SPATA31F3: variants seen among roughly 807,000 people sequenced by gnomAD.
SPATA31F3 encodes protein SPATA31F3.
the SPATA31F3 span, among the ~76,000 whole-genome samples, chr9:34,895,396 G>A: frequency 0.015 from 2,268 of 152,322 alleles, 57 homozygotes; most frequent in African/African-American, 0.052. Flanking sequence ...AGTCAAAGGA[G>A]TTCAGCCATC....
At chr9:34,892,809 C>G in the SPATA31F3 span, 1 of 666,240 alleles carries the variant, frequency 1.5e-6, no homozygotes, top group East Asian at 2.7e-5. Flanking sequence ...AAGTGATCAG[C>G]CCAGGAATCT....
At chr9:34,895,624 C>CT in the SPATA31F3 span, 2 of 399,768 alleles carry the variant, frequency 5.0e-6, no homozygotes, top group Non-Finnish European at 8.8e-6. Flanking sequence ...TTTGGCAGCT[C>CT]TTTTTCACTT....
At chr9:34,894,511 C>T in the SPATA31F3 span, 3 of 398,558 alleles carry the variant, frequency 7.5e-6, no homozygotes, top group South Asian at 3.8e-4. Flanking sequence ...GCTGAAGAAA[C>T]AGAAGATAGT....
At chr9:34,893,711 C>T in the SPATA31F3 span, among the ~76,000 whole-genome samples, 1 of 152,114 alleles carries the variant, frequency 6.6e-6, no homozygotes, top group Non-Finnish European at 1.5e-5. Context: ...CATGGGAGGG[C>T]GTGGCCCTCA....
chr9:34,891,976 T>G, the SPATA31F3 span, among the ~76,000 whole-genome samples: 4 of 151,688 alleles, frequency 2.6e-5, no homozygotes, highest in East Asian at 7.7e-4. Flanking sequence ...GGAGGGGAGA[T>G]TTTAATTAGT....
chr9:34,893,463 T>C, the SPATA31F3 span, among the ~76,000 whole-genome samples: 6 of 142,974 alleles, frequency 4.2e-5, no homozygotes, highest in African/African-American at 1.5e-4. Context: ...TAGCCAGGCA[T>C]GGTGGCGTAT....
chr9:34,893,654 G>A, the SPATA31F3 span, among the ~76,000 whole-genome samples: 1 of 152,086 alleles, frequency 6.6e-6, no homozygotes, highest in Non-Finnish European at 1.5e-5. Context: ...TGGCAAGGTG[G>A]GCTGGGCTGA....
chr9:34,893,027 G>A, the SPATA31F3 span: 1 of 936,440 alleles, frequency 1.1e-6, no homozygotes, highest in Non-Finnish European at 1.7e-6. Flanking sequence ...TGAAGTCAGG[G>A]AGATCTGGTT....
chr9:34,889,901 A>G, the SPATA31F3 span, among the ~76,000 whole-genome samples: 2,833 of 152,282 alleles, frequency 0.019, 104 homozygotes, highest in African/African-American at 0.065. Context: ...ATTCTCAGAA[A>G]TCCTTGTTTG....
At chr9:34,891,080 G>C in the SPATA31F3 span, among the ~76,000 whole-genome samples, 4 of 152,158 alleles carry the variant, frequency 2.6e-5, no homozygotes, top group Non-Finnish European at 5.9e-5. Flanking sequence ...CCTGACAGAA[G>C]GGCCAAAACT....
At chr9:34,893,921 C>G in the SPATA31F3 span, among the ~76,000 whole-genome samples, 1 of 152,176 alleles carries the variant, frequency 6.6e-6, no homozygotes, top group African/African-American at 2.4e-5. Flanking sequence ...TATTTGGTAT[C>G]CCTGCTGATA....
At chr9:34,893,505 G>A in the SPATA31F3 span, among the ~76,000 whole-genome samples, 13 of 152,016 alleles carry the variant, frequency 8.6e-5, 1 homozygote, top group South Asian at 2.1e-4. Context: ...GGAGGCAGAG[G>A]TAGGAGAGTC....
the SPATA31F3 span, among the ~76,000 whole-genome samples, chr9:34,891,243 T>C: frequency 6.6e-6 from 1 of 152,324 alleles, no homozygotes; most frequent in Non-Finnish European, 1.5e-5. Flanking sequence ...TATGTGTCAC[T>C]TCCAGGTCCA....
chr9:34,893,173 A>C, the SPATA31F3 span: 1 of 508,268 alleles, frequency 2.0e-6, no homozygotes, highest in Non-Finnish European at 3.3e-6. Context: ...AAACATGACA[A>C]ACATTAATGA....
chr9:34,895,705 A>G, the SPATA31F3 span: 6 of 404,756 alleles, frequency 1.5e-5, no homozygotes, highest in Non-Finnish European at 2.2e-5. Flanking sequence ...CCCACAAAAC[A>G]AAGGTAGGGC....
the SPATA31F3 span, among the ~76,000 whole-genome samples, chr9:34,894,149 C>T: frequency 2.0e-5 from 3 of 152,162 alleles, no homozygotes; most frequent in East Asian, 1.9e-4. Context: ...TAGCTTGTCT[C>T]GTGGCTGAAT....
At chr9:34,895,308 C>T in the SPATA31F3 span, among the ~76,000 whole-genome samples, 1 of 152,150 alleles carries the variant, frequency 6.6e-6, no homozygotes, top group South Asian at 2.1e-4. Context: ...CACCCCCATT[C>T]CTTTCATAAG....
the SPATA31F3 span, chr9:34,889,616 C>T: frequency 5.0e-6 from 2 of 398,374 alleles, no homozygotes; most frequent in African/African-American, 4.1e-5. Context: ...TCTTGTTATC[C>T]AAGCCAACTT....
the SPATA31F3 span, chr9:34,895,746 C>G: frequency 1.2e-5 from 5 of 402,730 alleles, no homozygotes; most frequent in Non-Finnish European, 2.2e-5. Flanking sequence ...CTAGCCATCC[C>G]TCTCCCTAGT....
Sources: gnomAD v4.1 joint callset for allele counts (sites outside exome capture counted in the v4.1 genomes callset) on GRCh38, gnomAD v4.1.1 for gene constraint, MANE v1.5 for transcripts, NCBI Gene and HGNC (gene_info 2026-07-23, HGNC 2026-07-21) for gene names.